Variants in DARS1 observed in about 807,000 individuals in gnomAD.
The protein encoded by DARS1 is aspartate--tRNA ligase, cytoplasmic.
Under a neutral mutation model 68.8 loss-of-function variants are expected in DARS1, and 51 were observed. That is an observed-to-expected ratio of 0.74 (90% CI 0.59 to 0.94). DARS1 has a LOEUF of 0.94. Among genes scored for constraint, DARS1 ranks in the 40% least tolerant of loss-of-function variants. The pLI is 0.00. For synonymous variants in DARS1, 203 were observed against 190.4 expected, an observed-to-expected ratio of 1.07 and a Z score of -0.55; for missense variants, 607 against 597.3, an observed-to-expected ratio of 1.02 and a Z score of -0.17.
chr2:135,963,973 G>A (rs11895436), intron 3 of DARS1, among the ~76,000 whole-genome samples: 3,272 of 152,272 alleles, frequency 0.021, 131 homozygotes, highest in African/African-American at 0.075. Context: ...GAGCCACTGC[G>A]CCTGGCCTTA....
chr2:135,922,817 C>A lies in DARS1; in HGVS notation c.778G>T (p.Ala260Ser). 2 of 1,582,806 alleles carry A rather than the reference C, an allele frequency of 1.3e-6. No individual in the cohort carries two copies. Among genetic ancestry groups the A allele is most frequent in the South Asian group, 2.4e-5 (2 of 84,410 alleles). ...PQLYKQMCIC[A>S]DFEKVFSIGP... is the part of the protein sequence containing the mutation. The stretch of plus-strand genomic sequence containing the variant: ...ATAGAGAAAACCTTCTCAAAATCAG[C>A]ACAAATGCACATTTGCTTATATAGC... The change falls in exon 9 of 16, where the codon GCT becomes TCT. Residue 260 changes from alanine (A) to serine (S), a missense_variant. By Grantham distance (99) the Ala-to-Ser change is moderately conservative. Coordinates refer to ENST00000264161, the MANE Select transcript of DARS1 (RefSeq NM_001349.4).
At chr2:135,979,493 TTGAC>T in intron 2 of DARS1, 127 bp from the exon 3 acceptor site, 1 of 611,968 alleles carries the variant, frequency 1.6e-6, no homozygotes, top group Non-Finnish European at 2.9e-6. Context: ...TTCTCAATCT[TTGAC>T]AACACTGTCT....
intron 4 of DARS1, among the ~76,000 whole-genome samples, chr2:135,953,063 C>T (rs1291581436): frequency 6.6e-6 from 1 of 152,172 alleles, no homozygotes; most frequent in African/African-American, 2.4e-5. Flanking sequence ...CTCATTTTCT[C>T]CATAAACACT....
At chr2:135,966,341 A>T (rs1431230845) in intron 3 of DARS1, among the ~76,000 whole-genome samples, 1 of 152,130 alleles carries the variant, frequency 6.6e-6, no homozygotes, top group African/African-American at 2.4e-5. Flanking sequence ...TTAAGAAGCA[A>T]ATATATAATT....
intron 11 of DARS1, among the ~76,000 whole-genome samples, chr2:135,915,669 T>C (rs1680990289): frequency 1.3e-5 from 2 of 152,082 alleles, no homozygotes; most frequent in Admixed American, 1.3e-4. Context: ...CTAAATACTA[T>C]ATATAATATA....
At chr2:135,923,984 C>A (rs1163038652) in intron 8 of DARS1, among the ~76,000 whole-genome samples, 1 of 152,144 alleles carries the variant, frequency 6.6e-6, no homozygotes, top group African/African-American at 2.4e-5. Context: ...ACACTGCACT[C>A]CAGCCTGGGC....
chr2:135,981,068 A>G (rs544289353), intron 2 of DARS1, among the ~76,000 whole-genome samples: 1 of 152,368 alleles, frequency 6.6e-6, no homozygotes, highest in East Asian at 1.9e-4. Flanking sequence ...CAGATGAGAA[A>G]GGAAACCACC....
intron 6 of DARS1, among the ~76,000 whole-genome samples, chr2:135,933,345 T>A (rs1043107260): frequency 1.3e-5 from 2 of 152,228 alleles, no homozygotes; most frequent in Non-Finnish European, 2.9e-5. Context: ...TGCTAAAGAT[T>A]CTATGATGTG....
intron 3 of DARS1, among the ~76,000 whole-genome samples, chr2:135,967,912 A>G (rs1489262758): frequency 3.9e-5 from 6 of 152,170 alleles, no homozygotes; most frequent in Non-Finnish European, 8.8e-5. Context: ...TAGGAAGAAG[A>G]GGGTACTAGC....
intron 4 of DARS1, among the ~76,000 whole-genome samples, chr2:135,956,558 T>C (rs1352728668): frequency 6.6e-6 from 1 of 152,084 alleles, no homozygotes; most frequent in African/African-American, 2.4e-5. Context: ...AATGCAGGCA[T>C]AAACATGAAG....
chr2:135,953,773 A>C (rs568831329), intron 4 of DARS1, among the ~76,000 whole-genome samples: 2 of 152,196 alleles, frequency 1.3e-5, no homozygotes, highest in African/African-American at 4.8e-5. Context: ...TTATAGTGGA[A>C]GAGACAAACT....
chr2:135,955,225 A>G (rs1317254829), intron 4 of DARS1, among the ~76,000 whole-genome samples: 1 of 151,866 alleles, frequency 6.6e-6, no homozygotes, highest in South Asian at 2.1e-4. Flanking sequence ...ATATATCCTT[A>G]TATCAACAAA....
chr2:135,958,383 T>A (rs2104831265), intron 4 of DARS1, among the ~76,000 whole-genome samples: 1 of 152,328 alleles, frequency 6.6e-6, no homozygotes, highest in Admixed American at 6.5e-5. Context: ...GCTTTCACAA[T>A]TTTAGCGCAT....
chr2:135,973,434 G>C (rs1411714948), intron 3 of DARS1, among the ~76,000 whole-genome samples: 3 of 151,844 alleles, frequency 2.0e-5, no homozygotes, highest in African/African-American at 7.3e-5. Context: ...AAGGGTAATA[G>C]GGGTTGAAGG....
intron 13 of DARS1, 183 bp from the exon 14 acceptor site, chr2:135,911,676 CAGATT>C: frequency 2.0e-6 from 1 of 494,150 alleles, no homozygotes; most frequent in Non-Finnish European, 3.6e-6. Context: ...TTGTTTATAT[CAGATT>C]CTGTGCTCTC....
rs1682019831 is a variant in DARS1 at position 135,958,188 on chromosome 2, C to T, written c.320+3208G>A. Among the ~76,000 whole-genome samples, 6 of 152,224 alleles carry T rather than the reference C, an allele frequency of 3.9e-5. No individual in the cohort carries two copies. The South Asian group carries it at 1.2e-3, about 32-fold the overall frequency. Reference sequence around the variant, plus strand: ...TCAATCATTTTATAAAACTGTCTTACTTATGTGAAAGTTAATGTGGCATTG... The same window carrying T: ...TCAATCATTTTATAAAACTGTCTTATTTATGTGAAAGTTAATGTGGCATTG... On this transcript the variant is annotated intron_variant, in intron 4 of 15. Transcript: ENST00000264161.
chr2:135,968,887 C>G (rs1682300233), intron 3 of DARS1, among the ~76,000 whole-genome samples: 1 of 152,170 alleles, frequency 6.6e-6, no homozygotes, highest in East Asian at 1.9e-4. Flanking sequence ...GTCTTGAACT[C>G]CTGGATTCAA....
intron 8 of DARS1, among the ~76,000 whole-genome samples, chr2:135,923,454 T>C (rs1681149122): frequency 6.6e-6 from 1 of 151,966 alleles, no homozygotes; most frequent in South Asian, 2.1e-4. Context: ...CGCGCCCGGC[T>C]AGTTTTTGTA....
At chr2:135,928,840 T>C (rs1032593266) in intron 7 of DARS1, among the ~76,000 whole-genome samples, 3 of 152,020 alleles carry the variant, frequency 2.0e-5, no homozygotes, top group Admixed American at 2.0e-4. Flanking sequence ...GGTTTCACCA[T>C]GTTGGCCAGG....
Sources: allele counts gnomAD v4.1 joint callset (sites outside exome capture counted in the v4.1 genomes callset), GRCh38; gene constraint gnomAD v4.1.1; transcripts MANE v1.5; gene names NCBI Gene and HGNC (gene_info 2026-07-23, HGNC 2026-07-21).